The following FAAH2 variants were observed in gnomAD, a reference collection of about 807,000 sequenced individuals.
FAAH2 encodes fatty-acid amide hydrolase 2.
Under a neutral mutation model 36.9 loss-of-function variants are expected in FAAH2, and 60 were observed. The observed-to-expected ratio is 1.63, with a 90% CI of 1.32 to 2.02. The LOEUF (loss-of-function observed/expected upper bound fraction) is 2.02, where lower values mean the gene tolerates loss of function less well. FAAH2 is among the 30% of genes most tolerant of loss of function. FAAH2 has a pLI of 0.00. For synonymous variants in FAAH2, 214 were observed against 143.8 expected (o/e 1.49, Z -3.49); for missense variants, 689 against 397.5 (o/e 1.73, Z -6.23).
intron 2 of FAAH2, among the ~76,000 whole-genome samples, chrX:57,304,727 G>A (rs748329635): frequency 2.7e-5 from 3 of 111,722 alleles, no homozygotes; most frequent in African/African-American, 6.5e-5. Context: ...GATAGGCAGC[G>A]AACAATGTCT....
chrX:57,234,743 C>G, the FAAH2 span, among the ~76,000 whole-genome samples: 2 of 111,584 alleles, frequency 1.8e-5, no homozygotes, highest in African/African-American at 3.3e-5. Context: ...GGATGGGGAG[C>G]AGCTGTAAAT....
chrX:57,306,877 C>T (rs1204179549), intron 2 of FAAH2, among the ~76,000 whole-genome samples: 1 of 89,357 alleles, frequency 1.1e-5, no homozygotes. Flanking sequence ...ACTATATATA[C>T]ACTATATATA....
At chrX:57,174,854 C>A in the FAAH2 span, among the ~76,000 whole-genome samples, 11 of 111,527 alleles carry the variant, frequency 9.9e-5, no homozygotes, top group Admixed American at 4.8e-4. Context: ...TTTTCAGAAG[C>A]ATATTGTTTA....
At chrX:57,240,884 G>A in the FAAH2 span, among the ~76,000 whole-genome samples, 5 of 112,270 alleles carry the variant, frequency 4.5e-5, no homozygotes, top group South Asian at 3.7e-4. Flanking sequence ...GGTAGATAGG[G>A]GGATGCTCAG....
chrX:57,358,153 ATC>A lies in FAAH2; in HGVS notation c.742+16765_742+16766del, dbSNP rs767598473. On this transcript the variant is annotated intron_variant, in intron 5 of 10. Coordinates refer to ENST00000374900, the MANE Select transcript of FAAH2 (RefSeq NM_174912.4). ...TGAAAAGTTAGGTAGTTAGTTTGAG[ATC>A]TTTTTTTTTTTTAAATTTTATTTAA... Among the ~76,000 whole-genome samples, 154 of 87,845 alleles carry A rather than the reference ATC, an allele frequency of 1.8e-3. 1 individual carries two copies. Among genetic ancestry groups the A allele is most frequent in the Middle Eastern group, 9.1e-3 (1 of 110 alleles). The allele number at this position is 87,845 out of a possible 115,157, so 76.3% of individuals were successfully genotyped here. A position where few individuals can be genotyped will look rare whatever the true frequency, so the allele number is the denominator to read the frequency against.
the FAAH2 span, among the ~76,000 whole-genome samples, chrX:57,252,702 G>C: frequency 8.9e-6 from 1 of 112,352 alleles, no homozygotes; most frequent in African/African-American, 3.2e-5. Flanking sequence ...AAAACTAACA[G>C]AAAGGAATAG....
the FAAH2 span, among the ~76,000 whole-genome samples, chrX:57,129,985 A>G: frequency 8.9e-6 from 1 of 112,476 alleles, no homozygotes. Flanking sequence ...CTCAATGGCA[A>G]TGCTTCTGTA....
the FAAH2 span, among the ~76,000 whole-genome samples, chrX:57,199,821 C>T: frequency 5.4e-5 from 6 of 111,978 alleles, no homozygotes; most frequent in Admixed American, 5.7e-4. Flanking sequence ...TAACCCTAAC[C>T]TCTTTACCAT....
chrX:57,426,836 A>G (rs1257423909), intron 7 of FAAH2, among the ~76,000 whole-genome samples: 1 of 111,756 alleles, frequency 8.9e-6, no homozygotes, highest in Admixed American at 9.5e-5. Context: ...TCACAACTCA[A>G]TGAACCAGAA....
At chrX:57,270,947 C>T in the FAAH2 span, among the ~76,000 whole-genome samples, 1 of 112,033 alleles carries the variant, frequency 8.9e-6, no homozygotes, top group Non-Finnish European at 1.9e-5. Context: ...TTTTCCCATA[C>T]CCCAGTGGTG....
chrX:57,412,204 A>G (rs1165824546), intron 7 of FAAH2, among the ~76,000 whole-genome samples: 1 of 111,875 alleles, frequency 8.9e-6, no homozygotes, highest in African/African-American at 3.2e-5. Flanking sequence ...ACTAGATTTT[A>G]TTCTTTCTTT....
chrX:57,419,959 C>A (rs2055964549), intron 7 of FAAH2, among the ~76,000 whole-genome samples: 1 of 112,040 alleles, frequency 8.9e-6, no homozygotes, highest in Non-Finnish European at 1.9e-5. Context: ...TTCCCAGCAG[C>A]ATTTATTAAA....
At chrX:57,426,402 C>T (rs1159248723) in intron 7 of FAAH2, among the ~76,000 whole-genome samples, 1 of 111,491 alleles carries the variant, frequency 9.0e-6, no homozygotes, top group African/African-American at 3.3e-5. Flanking sequence ...GACGTTAGAC[C>T]AAGTAGACCT....
intron 5 of FAAH2, among the ~76,000 whole-genome samples, chrX:57,359,611 G>T (rs189650498): frequency 9.0e-6 from 1 of 111,584 alleles, no homozygotes; most frequent in East Asian, 2.8e-4. Flanking sequence ...CCCTCTTTAT[G>T]TTATTGATGT....
chrX:57,219,622 G>A, the FAAH2 span, among the ~76,000 whole-genome samples: 2 of 111,783 alleles, frequency 1.8e-5, no homozygotes, highest in African/African-American at 3.3e-5. Flanking sequence ...TTAAGGGGAC[G>A]CCTCTAAGCC....
chrX:57,259,417 T>A, the FAAH2 span, among the ~76,000 whole-genome samples: 1 of 112,011 alleles, frequency 8.9e-6, no homozygotes, highest in Non-Finnish European at 1.9e-5. Flanking sequence ...TGTGCATGTA[T>A]GTGTGCATGC....
chrX:57,425,282 G>A (rs997357655), intron 7 of FAAH2, among the ~76,000 whole-genome samples: 6 of 111,727 alleles, frequency 5.4e-5, no homozygotes, highest in African/African-American at 1.6e-4. Context: ...AACACAACAA[G>A]ATTGCAAAAT....
rs1039954125 is a variant in FAAH2 at position 57,467,301 on chromosome X, G to T, written c.1423+18583G>T. Among the ~76,000 whole-genome samples, 3 of 111,045 alleles carry T rather than the reference G, an allele frequency of 2.7e-5. No homozygotes were observed. In the Admixed American group the frequency reaches 2.9e-4, roughly 11 times the overall value. The stretch of plus-strand genomic sequence containing the variant: ...TGAGAGTGAGCCAAAGCAGGGCAAG[G>T]CATCGCCTCTCCCAGGAAGTGCAAG... On this transcript the variant is annotated intron_variant, in intron 10 of 10. Coordinates refer to ENST00000374900, the MANE Select transcript of FAAH2 (RefSeq NM_174912.4).
In FAAH2 at chrX:57,381,003, C is replaced by G; in HGVS notation, c.970C>G (p.Gln324Glu). Residue 324 changes from glutamine to glutamate, a missense_variant, in exon 7 of 11, where the codon CAA (glutamine) becomes GAA (glutamate). Transcript: ENST00000374900. ...GGSFLMSKVDQDLIMTQKKVV... is the reference protein window; with the variant it reads ...GGSFLMSKVDEDLIMTQKKVV... ...CTCATTTTTAATGTCCAAAGTGGAC[C>G]AAGATCTCATTATGACTCAGAAAAA... The G allele has an allele frequency of 8.4e-7, 1 of 1,184,749 alleles. No homozygotes were observed. Among genetic ancestry groups the G allele is most frequent in the Admixed American group, 2.3e-5 (1 of 42,845 alleles).
Sources: gnomAD v4.1 joint callset for allele counts (sites outside exome capture counted in the v4.1 genomes callset) on GRCh38, gnomAD v4.1.1 for gene constraint, MANE v1.5 for transcripts, NCBI Gene and HGNC (gene_info 2026-07-23, HGNC 2026-07-21) for gene names.